The following NSMCE2 variants were observed in gnomAD, a reference collection of about 807,000 sequenced individuals.
The protein encoded by NSMCE2 is NSE2 SUMO ligase component of SMC5/6 complex.
A neutral mutation model predicts 23.8 loss-of-function variants in NSMCE2; 24 were observed. That is an observed-to-expected ratio of 1.01 (90% CI 0.73 to 1.42). The LOEUF is 1.42. NSMCE2 is among the 40% of genes most tolerant of loss of function. The pLI, the probability that NSMCE2 is intolerant of heterozygous loss-of-function variation, is 0.00. For synonymous variants in NSMCE2, 92 were observed against 94.1 expected, an observed-to-expected ratio of 0.98 and a Z score of 0.13; for missense variants, 284 against 296.5, an observed-to-expected ratio of 0.96 and a Z score of 0.31.
At chr8:125,199,751 T>G (rs138141803) in intron 5 of NSMCE2, among the ~76,000 whole-genome samples, 6,209 of 152,144 alleles carry the variant, frequency 0.041, 418 homozygotes, top group African/African-American at 0.14. Flanking sequence ...CTGTCTTGTT[T>G]ATCAGTCTAA....
rs573538734 is a variant in NSMCE2 at position 125,291,655 on chromosome 8, T to C, written c.419-65564T>C. 9.2e-4 allele frequency among the ~76,000 whole-genome samples: 140 copies of C among 152,328 alleles called. 1 individual carries two copies. Among genetic ancestry groups the C allele is most frequent in the Non-Finnish European group, 1.2e-4 (8 of 68,020 alleles). On this transcript the variant is annotated intron_variant, in intron 5 of 7. Transcript: ENST00000287437. ...AGATTGTTTCCAGTGATCTTAGTGA[T>C]GGTAAAGATAGAGGAGAAGACACCT... is the stretch of plus-strand genomic sequence containing the variant.
intron 5 of NSMCE2, among the ~76,000 whole-genome samples, chr8:125,321,114 C>A (rs1412923115): frequency 5.9e-5 from 9 of 152,050 alleles, no homozygotes; most frequent in African/African-American, 2.2e-4. Context: ...GGCCCCACCT[C>A]CAGTATTGGT....
At chr8:125,324,670 G>A (rs1415684101) in intron 5 of NSMCE2, among the ~76,000 whole-genome samples, 1 of 101,284 alleles carries the variant, frequency 9.9e-6, no homozygotes, top group African/African-American at 2.9e-5. Flanking sequence ...CGCCTCCCGG[G>A]TTCACGCCAT....
chr8:125,361,599 AG>A (rs1813556473), intron 7 of NSMCE2, among the ~76,000 whole-genome samples: 1 of 152,212 alleles, frequency 6.6e-6, no homozygotes, highest in Non-Finnish European at 1.5e-5. Flanking sequence ...ACAGCACTTC[AG>A]GGGCCAAAGA....
intron 5 of NSMCE2, among the ~76,000 whole-genome samples, chr8:125,352,496 T>C (rs1813082426): frequency 6.6e-6 from 1 of 151,506 alleles, no homozygotes; most frequent in Admixed American, 6.6e-5. Context: ...AAAAAAAAAT[T>C]TGGGAGCAGA....
At chr8:125,135,766 T>A (rs1451081320) in intron 3 of NSMCE2, among the ~76,000 whole-genome samples, 1 of 152,222 alleles carries the variant, frequency 6.6e-6, no homozygotes, top group Non-Finnish European at 1.5e-5. Flanking sequence ...GTTGATCTCT[T>A]TTTCCATCTT....
chr8:125,150,829 A>G (rs1265172752), intron 3 of NSMCE2, among the ~76,000 whole-genome samples: 5 of 152,048 alleles, frequency 3.3e-5, no homozygotes, highest in African/African-American at 1.2e-4. Context: ...TGGATGAGGG[A>G]ACTGAGGCTG....
chr8:125,099,695 G>A (rs1275989063), intron 1 of NSMCE2, among the ~76,000 whole-genome samples: 1 of 152,142 alleles, frequency 6.6e-6, no homozygotes, highest in Non-Finnish European at 1.5e-5. Context: ...CTTGACAAGA[G>A]CAGTTGCAGT....
At chr8:125,102,169 G>A (rs1818223863) in intron 2 of NSMCE2, 23 bp downstream of exon 2, 4 of 600,442 alleles carry the variant, frequency 6.7e-6, no homozygotes, top group Non-Finnish European at 1.2e-5. Flanking sequence ...GTGATTTGGT[G>A]TCTTCTCTAT....
At chr8:125,248,923 A>C (rs1392152523) in intron 5 of NSMCE2, among the ~76,000 whole-genome samples, 1 of 151,912 alleles carries the variant, frequency 6.6e-6, no homozygotes, top group Non-Finnish European at 1.5e-5. Context: ...TAATCCCAGC[A>C]CTTTAAGAGG....
chr8:125,273,101 A>T (rs1271909258), intron 5 of NSMCE2, among the ~76,000 whole-genome samples: 1 of 152,188 alleles, frequency 6.6e-6, no homozygotes, highest in Non-Finnish European at 1.5e-5. Context: ...TTTTATTCTC[A>T]TTCAGAGACA....
intron 5 of NSMCE2, among the ~76,000 whole-genome samples, chr8:125,206,149 G>A (rs117995962): frequency 0.019 from 2,822 of 152,254 alleles, 44 homozygotes; most frequent in Middle Eastern, 0.12. Context: ...TCTGATCACC[G>A]TGACCAGGTA....
chr8:125,204,810 A>C (rs924881245), intron 5 of NSMCE2, among the ~76,000 whole-genome samples: 1 of 152,052 alleles, frequency 6.6e-6, no homozygotes, highest in Non-Finnish European at 1.5e-5. Context: ...TGCCCCCACT[A>C]CTATTGCTGC....
chr8:125,351,667 T>A (rs1285710245), intron 5 of NSMCE2, among the ~76,000 whole-genome samples: 1 of 152,194 alleles, frequency 6.6e-6, no homozygotes, highest in Non-Finnish European at 1.5e-5. Flanking sequence ...AATCCAATTG[T>A]TGCTTTATTA....
At chr8:125,337,884 C>CAAAAAAAAAAAAAAAAA (rs35658538) in intron 5 of NSMCE2, among the ~76,000 whole-genome samples, 1 of 97,376 alleles carries the variant, frequency 1.0e-5, no homozygotes, top group Non-Finnish European at 2.0e-5. Context: ...AACTCTATCT[C>CAAAAAAAAAAAAAAAAA]AAAAAAAAAA....
At chr8:125,097,178 G>A (rs1817980430) in intron 1 of NSMCE2, among the ~76,000 whole-genome samples, 1 of 151,928 alleles carries the variant, frequency 6.6e-6, no homozygotes, top group Non-Finnish European at 1.5e-5. Flanking sequence ...TTTTGATGTG[G>A]AACTGTAAAG....
intron 4 of NSMCE2, among the ~76,000 whole-genome samples, chr8:125,168,450 A>G (rs1379030749): frequency 1.3e-5 from 2 of 152,252 alleles, no homozygotes; most frequent in African/African-American, 4.8e-5. Context: ...GGAATACCAT[A>G]AACCAGTAGC....
intron 5 of NSMCE2, among the ~76,000 whole-genome samples, chr8:125,205,897 A>G (rs950862152): frequency 6.6e-6 from 1 of 152,212 alleles, no homozygotes; most frequent in Non-Finnish European, 1.5e-5. Flanking sequence ...AATTTTAAAG[A>G]TATAAAATGT....
chr8:125,329,365 G>T (rs1476458597), intron 5 of NSMCE2, among the ~76,000 whole-genome samples: 1 of 152,190 alleles, frequency 6.6e-6, no homozygotes, highest in Non-Finnish European at 1.5e-5. Context: ...GCTCCTATCA[G>T]CTTGGCTCTT....
Sources: gnomAD v4.1 joint callset for allele counts (sites outside exome capture counted in the v4.1 genomes callset) on GRCh38, gnomAD v4.1.1 for gene constraint, MANE v1.5 for transcripts, NCBI Gene and HGNC (gene_info 2026-07-23, HGNC 2026-07-21) for gene names.